KCNMA1: variants seen among roughly 807,000 people sequenced by gnomAD.
KCNMA1 encodes the protein potassium calcium-activated channel subfamily M alpha 1.
KCNMA1 carries 29 observed loss-of-function variants against 140.0 expected under a neutral mutation model. That is an observed-to-expected ratio of 0.21 (90% CI 0.15 to 0.28). The LOEUF is 0.28. Ranked by LOEUF, KCNMA1 falls within the 10% of genes least tolerant of loss-of-function variation. The probability of loss-of-function intolerance (pLI) is 1.00; values close to 1 mark genes in which losing one functional copy is unlikely to be tolerated. For missense variants in KCNMA1, 880 were observed against 1,602.2 expected (o/e 0.55, Z 7.70); for synonymous variants, 612 against 611.9 (o/e 1.00, Z 0.00).
intron 20 of KCNMA1, among the ~76,000 whole-genome samples, chr10:76,960,155 G>T (rs1412778372): frequency 2.6e-5 from 4 of 152,200 alleles, no homozygotes; most frequent in Non-Finnish European, 5.9e-5. Flanking sequence ...TTATGTGAAT[G>T]ATTAGCAGAA....
At chr10:77,415,470 A>C (rs2154480017) in intron 1 of KCNMA1, among the ~76,000 whole-genome samples, 1 of 152,348 alleles carries the variant, frequency 6.6e-6, no homozygotes, top group African/African-American at 2.4e-5. Context: ...CTGCCCCAGA[A>C]GCTCAGCTCA....
chr10:77,262,262 C>A (rs369196076), intron 2 of KCNMA1, among the ~76,000 whole-genome samples: 1 of 152,026 alleles, frequency 6.6e-6, no homozygotes, highest in African/African-American at 2.4e-5. Context: ...CATACTACGA[C>A]GTGAATGACC....
At chr10:77,004,704 G>C (rs951012760) in intron 18 of KCNMA1, among the ~76,000 whole-genome samples, 1 of 152,072 alleles carries the variant, frequency 6.6e-6, no homozygotes, top group Non-Finnish European at 1.5e-5. Flanking sequence ...TTAAGTCATG[G>C]ACCTCCTAAT....
In KCNMA1 at chr10:77,489,325, T is replaced by A. The variant is rs564831749; in HGVS notation, c.379-85302A>T. Among the ~76,000 whole-genome samples the A allele has an allele frequency of 3.9e-5, 6 of 152,160 alleles. No homozygotes were observed. In the South Asian group the frequency reaches 6.2e-4, roughly 16 times the overall value. ...CAACCTTATTTTCTTTTTATTTATT[T>A]ATTTTTTATTATTTATTTATTTTTT... On this transcript the variant is annotated intron_variant, in intron 1 of 27. Transcript: ENST00000286628.
chr10:76,932,006 A>G (rs1057162134), intron 23 of KCNMA1, among the ~76,000 whole-genome samples: 1 of 152,210 alleles, frequency 6.6e-6, no homozygotes, highest in Non-Finnish European at 1.5e-5. Context: ...TGTAATAATA[A>G]TAACAAAAAT....
intron 2 of KCNMA1, among the ~76,000 whole-genome samples, chr10:77,357,682 T>C (rs1225747180): frequency 6.6e-6 from 1 of 152,256 alleles, no homozygotes; most frequent in African/African-American, 2.4e-5. Flanking sequence ...AGAGAAAAGC[T>C]TGTCTTTCTT....
In KCNMA1 at chr10:77,088,656, T is replaced by C. The variant is rs983019453; in HGVS notation, c.1334+1744A>G. ...GTTGCCCAAGCTGGTCTTGAACTCC[T>C]GAGCTCAAGTGATCTTCCCACCTTG... On this transcript the variant is annotated intron_variant, in intron 10 of 27. Transcript: ENST00000286628. Among the ~76,000 whole-genome samples, 4 of 152,018 alleles carry C rather than the reference T, an allele frequency of 2.6e-5. No homozygotes were observed. In the East Asian group the frequency reaches 7.8e-4, roughly 30 times the overall value.
chr10:77,195,339 C>G (rs961147574), intron 3 of KCNMA1, among the ~76,000 whole-genome samples: 12 of 152,082 alleles, frequency 7.9e-5, no homozygotes, highest in African/African-American at 2.7e-4. Context: ...GCTAGAGTCA[C>G]TCCTTAGGAA....
intron 2 of KCNMA1, among the ~76,000 whole-genome samples, chr10:77,321,327 G>A (rs1321998975): frequency 1.3e-5 from 2 of 152,174 alleles, no homozygotes; most frequent in African/African-American, 4.8e-5. Context: ...CCATTCTCAA[G>A]TAAGCGACTT....
intron 7 of KCNMA1, among the ~76,000 whole-genome samples, chr10:77,111,824 G>C (rs958055761): frequency 6.6e-6 from 1 of 152,192 alleles, no homozygotes; most frequent in Admixed American, 6.5e-5. Context: ...AAAGCAGGGG[G>C]AAAGTCTGCC....
intron 2 of KCNMA1, among the ~76,000 whole-genome samples, chr10:77,294,141 G>A (rs1172793192): frequency 6.6e-6 from 1 of 152,240 alleles, no homozygotes; most frequent in Non-Finnish European, 1.5e-5. Flanking sequence ...AAGACATAGT[G>A]CTGTGTCCCT....
chr10:76,882,696 C>T (rs769541782), downstream of KCNMA1, among the ~76,000 whole-genome samples: 17 of 152,250 alleles, frequency 1.1e-4, no homozygotes, highest in Admixed American at 1.3e-4. Context: ...TCCCAGCCCT[C>T]CTCTGTGGCC....
chr10:77,521,944 G>C (rs564536991), intron 1 of KCNMA1, among the ~76,000 whole-genome samples: 1 of 152,274 alleles, frequency 6.6e-6, no homozygotes, highest in South Asian at 2.1e-4. Flanking sequence ...GGGAGGTCGA[G>C]GCAGGTAGAT....
chr10:77,045,553 G>C (rs2094993949), intron 14 of KCNMA1, among the ~76,000 whole-genome samples: 1 of 152,156 alleles, frequency 6.6e-6, no homozygotes, highest in African/African-American at 2.4e-5. Context: ...CCAAGCAAAT[G>C]GTTTCACACC....
At chr10:77,267,408 G>A (rs1314390734) in intron 2 of KCNMA1, among the ~76,000 whole-genome samples, 2 of 152,102 alleles carry the variant, frequency 1.3e-5, no homozygotes, top group African/African-American at 4.8e-5. Flanking sequence ...AATCCAGGTC[G>A]GACTCCCTGC....
intron 1 of KCNMA1, among the ~76,000 whole-genome samples, chr10:77,596,621 C>A (rs888311230): frequency 3.3e-5 from 5 of 152,162 alleles, no homozygotes; most frequent in Admixed American, 6.5e-5. Context: ...GAAGCATTAT[C>A]CTTAAGATGC....
At chr10:77,116,256 C>T (rs1185592795) in intron 6 of KCNMA1, among the ~76,000 whole-genome samples, 1 of 152,158 alleles carries the variant, frequency 6.6e-6, no homozygotes, top group East Asian at 1.9e-4. Context: ...TTCTAATTCA[C>T]ATCGATGGAC....
At chr10:77,399,377 C>T (rs982071904) in intron 2 of KCNMA1, among the ~76,000 whole-genome samples, 3 of 152,184 alleles carry the variant, frequency 2.0e-5, no homozygotes, top group Admixed American at 6.5e-5. Context: ...TCTTCCAGCA[C>T]ATTTCAATTT....
chr10:77,239,794 C>T (rs868823417), intron 3 of KCNMA1, among the ~76,000 whole-genome samples: 18 of 152,244 alleles, frequency 1.2e-4, no homozygotes, highest in African/African-American at 4.3e-4. Context: ...AAGTATGCCT[C>T]CGATTTTGTT....
Sources: allele counts gnomAD v4.1 joint callset (sites outside exome capture counted in the v4.1 genomes callset), GRCh38; gene constraint gnomAD v4.1.1; transcripts MANE v1.5; gene names NCBI Gene and HGNC (gene_info 2026-07-23, HGNC 2026-07-21).